GABRR2: variants seen among roughly 807,000 people sequenced by gnomAD.
The protein encoded by GABRR2 is gamma-aminobutyric acid type A receptor subunit rho2.
A neutral mutation model predicts 47.0 loss-of-function variants in GABRR2; 36 were observed. The observed-to-expected ratio is 0.77, with a 90% CI of 0.59 to 1.01. The LOEUF (loss-of-function observed/expected upper bound fraction) is 1.01, where lower values mean the gene tolerates loss of function less well. GABRR2 is among the 50% of genes least tolerant of loss of function. The probability of loss-of-function intolerance (pLI) is 0.00; values close to 1 mark genes in which losing one functional copy is unlikely to be tolerated. For synonymous variants in GABRR2, 204 were observed against 227.5 expected, an observed-to-expected ratio of 0.90 and a Z score of 0.93; for missense variants, 587 against 594.6, an observed-to-expected ratio of 0.99 and a Z score of 0.13.
chr6:89,255,274 T>TA lies in GABRR2; in HGVS notation c.*2395dup, dbSNP rs750667922. Among the ~76,000 whole-genome samples the TA allele has an allele frequency of 1.5e-4, 23 of 152,018 alleles. No homozygotes were observed. The highest frequency in any genetic ancestry group is 2.4e-4 in the Non-Finnish European group (16 of 67,958). ...TAACATGGAGAAACCCCATCTCTACTAAAAAATACAAAAGTTAGCCAGGCA... is the reference window on the plus strand; with the variant it reads ...TAACATGGAGAAACCCCATCTCTACTAAAAAAATACAAAAGTTAGCCAGGCA... On this transcript the variant is annotated 3_prime_UTR_variant, in exon 9 of 9. Transcript: ENST00000402938.
chr6:89,293,453 TTTATA>T lies in GABRR2; in HGVS notation c.220+6301_220+6305del, dbSNP rs368206751. On this transcript the variant is annotated intron_variant, in intron 2 of 8. Transcript: ENST00000402938. ...CTCAAAAATGGTCAAAAGGGTCAATTTTATATTATATATTTCTCCACAATTTTTAA... is the reference window on the plus strand; with the variant it reads ...CTCAAAAATGGTCAAAAGGGTCAATTTTATATATTTCTCCACAATTTTTAA... Among the ~76,000 whole-genome samples, 46 of 152,278 alleles carry T rather than the reference TTTATA, an allele frequency of 3.0e-4. No homozygotes were observed. The East Asian group carries it at 7.7e-3, about 26-fold the overall frequency.
At chr6:89,284,151 G>C (rs1247435832) in intron 2 of GABRR2, among the ~76,000 whole-genome samples, 1 of 152,084 alleles carries the variant, frequency 6.6e-6, no homozygotes, top group Non-Finnish European at 1.5e-5. Flanking sequence ...TCAGAAAAAT[G>C]GTTACCCTTG....
Position 89,269,141 on chromosome 6 carries a change from G to A in GABRR2, c.382C>T (p.Arg128Trp), listed in dbSNP as rs140140640. The change falls in exon 4 of 9, where the codon CGG becomes TGG. Residue 128 changes from arginine to tryptophan, a missense_variant. Physicochemically the swap from Arg to Trp is moderately radical, Grantham distance 101 (BLOSUM62 -3). Transcript: ENST00000402938. ...ASNKSMTFDG[R>W]LVKKIWVPDV... ...GGGACCCAGATCTTCTTCACCAGCC[G>A]GCCATCGAAGGTCATGCTCTTGTTG... 39 of 1,613,872 alleles carry A rather than the reference G, an allele frequency of 2.4e-5. No individual in the cohort carries two copies. The highest frequency in any genetic ancestry group is 1.0e-4 in the Admixed American group (6 of 59,996).
At chr6:89,312,945 G>A (rs1328426038) in intron 1 of GABRR2, among the ~76,000 whole-genome samples, 2 of 152,216 alleles carry the variant, frequency 1.3e-5, no homozygotes, top group Non-Finnish European at 2.9e-5. Context: ...CTCATGCGCG[G>A]GTTTGGGAAT....
chr6:89,312,511 T>C (rs1008080423), intron 1 of GABRR2, among the ~76,000 whole-genome samples: 2 of 152,178 alleles, frequency 1.3e-5, no homozygotes, highest in African/African-American at 4.8e-5. Flanking sequence ...ATATGTGGCA[T>C]GCGGTATGTG....
intron 8 of GABRR2, among the ~76,000 whole-genome samples, chr6:89,261,615 A>G (rs937376522): frequency 7.2e-5 from 11 of 152,230 alleles, no homozygotes; most frequent in African/African-American, 2.7e-4. Context: ...AACAGTACCT[A>G]AGGCCATTCT....
intron 4 of GABRR2, among the ~76,000 whole-genome samples, chr6:89,268,558 T>A (rs1448569858): frequency 6.6e-6 from 1 of 152,210 alleles, no homozygotes; most frequent in Non-Finnish European, 1.5e-5. Context: ...AAAAAGCATT[T>A]TTTTAAGATG....
chr6:89,268,054 A>G lies in GABRR2; in HGVS notation c.555T>C (p.Phe185=). ...TAMCNMDFSH[F]PLDSQTCSLE... is the part of the protein sequence containing the mutation. ...AAGAACAGGTCTGGGAGTCCAGGGG[A>G]AAGTGGCTGAAGTCCATGTTGCACA... The change falls in exon 5 of 9, where the codon TTT becomes TTC. Residue 185 remains phenylalanine, a synonymous_variant. Transcript: ENST00000402938. The G allele has an allele frequency of 1.2e-6, 2 of 1,612,012 alleles. No homozygotes were observed. The highest frequency in any genetic ancestry group is 1.7e-6 in the Non-Finnish European group (2 of 1,178,984).
chr6:89,269,177 A>C lies in GABRR2; in HGVS notation c.346T>G (p.Ser116Ala). The change falls in exon 4 of 9, where the codon TCC becomes GCC. Residue 116 changes from serine (S) to alanine (A), a missense_variant. Physicochemically the swap from Ser to Ala is moderately conservative, Grantham distance 99. Transcript: ENST00000402938. Reference sequence around the variant, plus strand: ...GTCATGCTCTTGTTGCTGGCGCTGGAGAAAGCTAGCCTCTCATCCTTCCAG... The same window carrying C: ...GTCATGCTCTTGTTGCTGGCGCTGGCGAAAGCTAGCCTCTCATCCTTCCAG... The part of the protein sequence containing the change: ...HYWKDERLAF[S>A]SASNKSMTFD... 6.2e-7 allele frequency: 1 copy of C among 1,614,054 alleles called. No individual in the cohort carries two copies. The highest frequency in any genetic ancestry group is 8.5e-7 in the Non-Finnish European group (1 of 1,179,888).
intron 2 of GABRR2, 126 bp downstream of exon 2, chr6:89,299,633 C>G: frequency 1.6e-6 from 1 of 643,384 alleles, no homozygotes; most frequent in South Asian, 1.9e-5. Context: ...GAAATGGAGT[C>G]AGATTTATGT....
chr6:89,258,854 A>G (rs1445065117), intron 8 of GABRR2, among the ~76,000 whole-genome samples: 3 of 147,960 alleles, frequency 2.0e-5, no homozygotes, highest in East Asian at 4.0e-4. Context: ...GCACCAACAG[A>G]TACATGCTTA....
At chr6:89,300,508 C>A (rs1318066786) in intron 1 of GABRR2, among the ~76,000 whole-genome samples, 3 of 148,734 alleles carry the variant, frequency 2.0e-5, no homozygotes, top group Non-Finnish European at 3.0e-5. Flanking sequence ...CAAAAAAAAA[C>A]AAAAAGAAAT....
intron 8 of GABRR2, among the ~76,000 whole-genome samples, chr6:89,261,412 C>A (rs1157114991): frequency 2.0e-5 from 3 of 152,096 alleles, no homozygotes; most frequent in Admixed American, 6.5e-5. Context: ...GATGAACTGA[C>A]CCCCCTCTTG....
At chr6:89,275,419 G>A (rs7751324) in intron 2 of GABRR2, among the ~76,000 whole-genome samples, 89,243 of 151,730 alleles carry the variant, frequency 0.59, 26,277 homozygotes, top group East Asian at 0.7. Context: ...GATTACAGGT[G>A]TGCACCACCA....
intron 1 of GABRR2, among the ~76,000 whole-genome samples, chr6:89,308,241 T>G (rs1448776956): frequency 1.3e-5 from 2 of 152,244 alleles, no homozygotes; most frequent in Admixed American, 6.5e-5. Flanking sequence ...GTTTCATTCC[T>G]CACCGGCTCT....
At chr6:89,296,399 G>A (rs1473084397) in intron 2 of GABRR2, among the ~76,000 whole-genome samples, 1 of 152,170 alleles carries the variant, frequency 6.6e-6, no homozygotes, top group Non-Finnish European at 1.5e-5. Context: ...TCCTCCCCCC[G>A]TTTCATCCAA....
rs996476881 is a variant in GABRR2 at position 89,267,720 on chromosome 6, T to A, written c.695A>T (p.Lys232Ile). 6.2e-7 allele frequency: 1 copy of A among 1,613,940 alleles called. No homozygotes were observed. Among genetic ancestry groups the A allele is most frequent in the African/African-American group, 1.3e-5 (1 of 75,040 alleles). The part of the protein sequence containing the change: ...KISLSQFLIQ[K>I]FHTTSRLAFY... ...GGCCAGCCTGGAAGTTGTGTGAAATTTCTGAATCAGAAACTGAGACAAGGA... is the reference window on the plus strand; with the variant it reads ...GGCCAGCCTGGAAGTTGTGTGAAATATCTGAATCAGAAACTGAGACAAGGA... Residue 232 changes from lysine (K) to isoleucine (I), a missense_variant, in exon 6 of 9, where the codon AAA becomes ATA. By Grantham distance (102) the Lys-to-Ile change is moderately radical. Transcript: ENST00000402938.
chr6:89,307,814 C>CTTT (rs1247224346), intron 1 of GABRR2, among the ~76,000 whole-genome samples: 22 of 125,286 alleles, frequency 1.8e-4, no homozygotes, highest in African/African-American at 3.5e-4. Context: ...ACTTCATTCA[C>CTTT]TTTTTTTTTT....
Position 89,311,662 on chromosome 6 carries a change from G to A in GABRR2, c.113+3391C>T, listed in dbSNP as rs560085983. 2.0e-5 allele frequency among the ~76,000 whole-genome samples: 3 copies of A among 152,258 alleles called. No homozygotes were observed. In the East Asian group the frequency reaches 5.8e-4, roughly 29 times the overall value. On this transcript the variant is annotated intron_variant, in intron 1 of 8. Transcript: ENST00000402938. ...AGCAGGGCTGATGTCACCGTGTTGTGGTTTTTTGGCAATAACAGCAACCAG... is the reference window on the plus strand; with the variant it reads ...AGCAGGGCTGATGTCACCGTGTTGTAGTTTTTTGGCAATAACAGCAACCAG...
Sources: gnomAD v4.1 joint callset for allele counts (sites outside exome capture counted in the v4.1 genomes callset) on GRCh38, gnomAD v4.1.1 for gene constraint, MANE v1.5 for transcripts, NCBI Gene and HGNC (gene_info 2026-07-23, HGNC 2026-07-21) for gene names.